Variants in CPED1 observed in about 807,000 individuals in gnomAD.
The protein encoded by CPED1 is cadherin like and PC-esterase domain containing 1, also known as cadherin-like and PC-esterase domain-containing protein 1.
A neutral mutation model predicts 128.2 loss-of-function variants in CPED1; 114 were observed. That is an observed-to-expected ratio of 0.89 (90% confidence interval 0.76 to 1.04). CPED1 has a LOEUF of 1.04. Ranked by LOEUF, CPED1 falls within the 50% of genes least tolerant of loss-of-function variation. The pLI is 0.00. For missense variants in CPED1, 1,211 were observed against 1,207.1 expected (o/e 1.00, Z -0.05); for synonymous variants, 462 against 426.7 (o/e 1.08, Z -1.02).
At chr7:121,034,290 C>T (rs1317329871) in intron 3 of CPED1, among the ~76,000 whole-genome samples, 2 of 147,972 alleles carry the variant, frequency 1.4e-5, no homozygotes, top group African/African-American at 2.5e-5. Flanking sequence ...CCCTGTCACC[C>T]AGGCTGGAGT....
intron 3 of CPED1, among the ~76,000 whole-genome samples, chr7:121,018,036 G>C (rs1312387053): frequency 6.6e-6 from 1 of 151,900 alleles, no homozygotes; most frequent in African/African-American, 2.4e-5. Flanking sequence ...CTCAAGAAAG[G>C]GTAGCAATTT....
At chr7:121,020,327 C>T (rs180989654) in intron 3 of CPED1, among the ~76,000 whole-genome samples, 18 of 152,054 alleles carry the variant, frequency 1.2e-4, no homozygotes, top group African/African-American at 2.2e-4. Context: ...TCTGGCCCAC[C>T]GCCTGTTTTT....
At chr7:121,222,286 G>A (rs1359810696) in intron 16 of CPED1, among the ~76,000 whole-genome samples, 2 of 152,090 alleles carry the variant, frequency 1.3e-5, no homozygotes, top group Non-Finnish European at 2.9e-5. Context: ...TGTTATTTCT[G>A]AGGGCTCTGT....
At chr7:121,272,478 C>G (rs1792253470) in intron 22 of CPED1, among the ~76,000 whole-genome samples, 1 of 151,946 alleles carries the variant, frequency 6.6e-6, no homozygotes, top group African/African-American at 2.4e-5. Flanking sequence ...GCGGTAATAC[C>G]TCTCCTCCAA....
Position 121,232,582 on chromosome 7 carries a change from A to G in CPED1, c.2056-4132A>G, listed in dbSNP as rs567305861. ...CTTCAGGTGGGCTAAGAGTGAATTTATCTCCCCAGGAATGTCAGTTCTTCT... is the reference window on the plus strand; with the variant it reads ...CTTCAGGTGGGCTAAGAGTGAATTTGTCTCCCCAGGAATGTCAGTTCTTCT... On this transcript the variant is annotated intron_variant, in intron 16 of 22. Transcript: ENST00000310396. 1.2e-4 allele frequency among the ~76,000 whole-genome samples: 19 copies of G among 152,202 alleles called. No homozygotes were observed. The South Asian group carries it at 3.3e-3, about 27-fold the overall frequency.
chr7:121,045,169 G>A (rs1793162540), intron 3 of CPED1, among the ~76,000 whole-genome samples: 1 of 152,184 alleles, frequency 6.6e-6, no homozygotes, highest in Non-Finnish European at 1.5e-5. Flanking sequence ...GAGAGTGTAT[G>A]GAGCAGGGTA....
chr7:121,100,541 C>T (rs1038923648), intron 7 of CPED1, among the ~76,000 whole-genome samples: 14 of 152,228 alleles, frequency 9.2e-5, no homozygotes, highest in Admixed American at 8.5e-4. Context: ...AAAAATAAAG[C>T]TCTCAAGTGT....
chr7:121,202,601 C>G (rs1797422992), intron 16 of CPED1, among the ~76,000 whole-genome samples: 1 of 152,104 alleles, frequency 6.6e-6, no homozygotes. Context: ...CACATTCTGA[C>G]TTATTATCTC....
chr7:121,294,649 G>C lies in CPED1; in HGVS notation c.2869-791G>C, dbSNP rs115805165. ...AAGACTGAAGTATGATAACATCAAG[G>C]TTGTTTTGACCTAAGGGCAGGATTT... On this transcript the variant is annotated intron_variant, in intron 22 of 22. Transcript: ENST00000310396. Among the ~76,000 whole-genome samples the C allele has an allele frequency of 2.5e-3, 381 of 152,074 alleles. 2 individuals carry two copies. Among genetic ancestry groups the C allele is most frequent in the African/African-American group, 8.7e-3 (361 of 41,480 alleles).
intron 3 of CPED1, among the ~76,000 whole-genome samples, chr7:121,024,931 C>A (rs930730671): frequency 1.3e-5 from 2 of 152,156 alleles, no homozygotes; most frequent in Admixed American, 6.5e-5. Flanking sequence ...GTGTTTGCTA[C>A]GCCAATGCAT....
intron 16 of CPED1, among the ~76,000 whole-genome samples, chr7:121,186,103 G>A (rs1288300209): frequency 1.3e-5 from 2 of 152,060 alleles, no homozygotes; most frequent in African/African-American, 2.4e-5. Context: ...AGTTTTATCT[G>A]CTTTAATTTG....
chr7:121,250,137 C>A (rs1311276660), intron 18 of CPED1, among the ~76,000 whole-genome samples: 1 of 152,180 alleles, frequency 6.6e-6, no homozygotes, highest in Non-Finnish European at 1.5e-5. Flanking sequence ...GACCACACTG[C>A]AATCAAACTA....
At chr7:121,217,256 G>A (rs1382321865) in intron 16 of CPED1, among the ~76,000 whole-genome samples, 2 of 151,776 alleles carry the variant, frequency 1.3e-5, no homozygotes, top group Non-Finnish European at 2.9e-5. Flanking sequence ...TTCCACAAGG[G>A]CAGGGGTAAG....
At chr7:121,050,579 T>G (rs1311263643) in intron 4 of CPED1, 1 of 247,348 alleles carries the variant, frequency 4.0e-6, no homozygotes, top group Non-Finnish European at 8.1e-6. Flanking sequence ...TTCTTCTGCC[T>G]CAGCCTCTGG....
intron 5 of CPED1, among the ~76,000 whole-genome samples, chr7:121,071,328 G>A (rs1226373125): frequency 6.6e-6 from 1 of 151,942 alleles, no homozygotes; most frequent in South Asian, 2.1e-4. Context: ...TCATTCACAT[G>A]GTTTCCTATA....
chr7:121,250,390 C>G (rs1480280956), intron 18 of CPED1, among the ~76,000 whole-genome samples: 1 of 150,988 alleles, frequency 6.6e-6, no homozygotes, highest in Admixed American at 6.6e-5. Context: ...AAATTGACAC[C>G]CTAACATCAC....
chr7:121,005,966 G>A (rs1792002295), intron 2 of CPED1, among the ~76,000 whole-genome samples: 3 of 151,952 alleles, frequency 2.0e-5, no homozygotes, highest in African/African-American at 2.4e-5. Flanking sequence ...AGTGGGGTTG[G>A]GGGAAATAGA....
chr7:121,163,675 G>A (rs906141077), intron 16 of CPED1, among the ~76,000 whole-genome samples: 15 of 152,160 alleles, frequency 9.9e-5, no homozygotes, highest in Admixed American at 6.5e-4. Flanking sequence ...GGATTACTTG[G>A]CATTTATAGT....
At position 121,000,241 on chromosome 7, in the gene CPED1, C is replaced by T. The variant is rs544257187; in HGVS notation, c.249+10371C>T. On this transcript the variant is annotated intron_variant, in intron 2 of 22. Transcript: ENST00000310396. ...AGCTCATGTTCTAACATAGGATTTA[C>T]GTTCTGTGGCAGAAACTACACCAAA... Among the ~76,000 whole-genome samples the T allele has an allele frequency of 3.7e-4, 57 of 152,204 alleles. 2 individuals are homozygous for T. The South Asian group carries it at 9.9e-3, about 27-fold the overall frequency.
Sources: gnomAD v4.1 joint callset for allele counts (sites outside exome capture counted in the v4.1 genomes callset) on GRCh38, gnomAD v4.1.1 for gene constraint, MANE v1.5 for transcripts, NCBI Gene and HGNC (gene_info 2026-07-23, HGNC 2026-07-21) for gene names.